Variants in PTPRN2 observed in about 807,000 individuals in gnomAD.
PTPRN2 encodes the protein receptor-type tyrosine-protein phosphatase N2.
PTPRN2 carries 74 observed loss-of-function variants against 118.8 expected under a neutral mutation model. That is an observed-to-expected ratio of 0.62 (90% CI 0.52 to 0.76). The LOEUF is 0.76. Among genes scored for constraint, PTPRN2 ranks in the 30% least tolerant of loss-of-function variants. The pLI, the probability that PTPRN2 is intolerant of heterozygous loss-of-function variation, is 0.00. For synonymous variants in PTPRN2, 641 were observed against 608.0 expected, an observed-to-expected ratio of 1.05 and a Z score of -0.80; for missense variants, 1,481 against 1,394.4, an observed-to-expected ratio of 1.06 and a Z score of -0.99.
chr7:158,008,052 G>T (rs28655116), intron 11 of PTPRN2, among the ~76,000 whole-genome samples: 1 of 137,054 alleles, frequency 7.3e-6, no homozygotes. Flanking sequence ...TGTGTGTGGA[G>T]GTGTGCTGTG....
At chr7:157,968,185 A>G (rs1300527661) in intron 11 of PTPRN2, among the ~76,000 whole-genome samples, 1 of 152,118 alleles carries the variant, frequency 6.6e-6, no homozygotes, top group African/African-American at 2.4e-5. Flanking sequence ...ATGGTTTACA[A>G]GGCAGCCTTG....
chr7:158,503,440 G>A (rs546414139), intron 1 of PTPRN2, among the ~76,000 whole-genome samples: 1 of 152,288 alleles, frequency 6.6e-6, no homozygotes, highest in East Asian at 1.9e-4. Flanking sequence ...GAAAGCAGAA[G>A]AGGTGGATGG....
rs1242219549 is a variant in PTPRN2, at chr7:157,953,947, G to A, written c.1724-55210C>T. Among the ~76,000 whole-genome samples the A allele has an allele frequency of 1.3e-5, 2 of 152,216 alleles. No homozygotes were observed. Among genetic ancestry groups the A allele is most frequent in the African/African-American group, 2.4e-5 (1 of 41,454 alleles). ...CGCTTGAAGATGCATGTGTGTTAGAGTCTCTTCCACAGAACTCTCTGGAAA... is the reference window on the plus strand; with the variant it reads ...CGCTTGAAGATGCATGTGTGTTAGAATCTCTTCCACAGAACTCTCTGGAAA... On this transcript the variant is annotated intron_variant, in intron 11 of 22. Transcript: ENST00000389418. The surrounding 1 kb of genome is among the most constrained non-coding windows in gnomAD (Gnocchi z 4.6).
chr7:158,322,778 C>T (rs1444390081), intron 2 of PTPRN2, among the ~76,000 whole-genome samples: 1 of 152,264 alleles, frequency 6.6e-6, no homozygotes, highest in Non-Finnish European at 1.5e-5. Context: ...GAGGAGGCCA[C>T]CTCCACTTGG....
intron 19 of PTPRN2, among the ~76,000 whole-genome samples, 186 bp downstream of exon 19, chr7:157,576,427 A>G (rs1185141541): frequency 6.6e-6 from 1 of 152,166 alleles, no homozygotes; most frequent in Non-Finnish European, 1.5e-5. Context: ...AAGCTAGAAA[A>G]TCGCTCACGA....
At chr7:158,445,658 G>T (rs929821520) in intron 2 of PTPRN2, among the ~76,000 whole-genome samples, 1 of 152,210 alleles carries the variant, frequency 6.6e-6, no homozygotes, top group African/African-American at 2.4e-5. Context: ...GCAGACAGCC[G>T]CCTGCTGCTC....
At chr7:157,917,501 C>A (rs1212587634) in intron 11 of PTPRN2, among the ~76,000 whole-genome samples, 3 of 152,182 alleles carry the variant, frequency 2.0e-5, no homozygotes, top group African/African-American at 7.2e-5. Flanking sequence ...GGAAAGGGAG[C>A]ATGGCTGCGC....
intron 12 of PTPRN2, among the ~76,000 whole-genome samples, chr7:157,832,709 GT>G (rs1243628394): frequency 6.6e-6 from 1 of 152,226 alleles, no homozygotes; most frequent in Non-Finnish European, 1.5e-5. Flanking sequence ...TATGCTTCGC[GT>G]GGGAATCTGG....
At chr7:158,245,307 C>T (rs1415823691) in intron 3 of PTPRN2, among the ~76,000 whole-genome samples, 1 of 152,110 alleles carries the variant, frequency 6.6e-6, no homozygotes, top group African/African-American at 2.4e-5. Context: ...CGTGGTCATG[C>T]CAGAATCCGT....
At chr7:158,076,024 G>C (rs1812330519) in intron 11 of PTPRN2, among the ~76,000 whole-genome samples, 1 of 152,242 alleles carries the variant, frequency 6.6e-6, no homozygotes, top group Non-Finnish European at 1.5e-5. Context: ...GGATCCCTGT[G>C]CCTGGAAGAC....
At position 158,003,362 on chromosome 7, in the gene PTPRN2, C is replaced by T. The variant is rs1202448787; in HGVS notation, c.1723+77936G>A. On this transcript the variant is annotated intron_variant, in intron 11 of 22. Coordinates refer to ENST00000389418, the MANE Select transcript of PTPRN2 (RefSeq NM_002847.5). This position sits in a 1 kb window ranked among gnomAD's most constrained non-coding sequence, Gnocchi z 5.0. ...CTGGGAGGCGGAGCTTGCAGTGAGCCGAGATCGCGCCACTGCACTCCAACC... is the reference window on the plus strand; with the variant it reads ...CTGGGAGGCGGAGCTTGCAGTGAGCTGAGATCGCGCCACTGCACTCCAACC... 1.4e-5 allele frequency among the ~76,000 whole-genome samples: 2 copies of T among 146,696 alleles called. No homozygotes were observed. Among genetic ancestry groups the T allele is most frequent in the Non-Finnish European group, 3.0e-5 (2 of 67,122 alleles).
chr7:158,171,000 TATATATATACACATAC>T (rs1188850846), intron 5 of PTPRN2, among the ~76,000 whole-genome samples: 41 of 148,342 alleles, frequency 2.8e-4, no homozygotes, highest in Non-Finnish European at 5.0e-4. Flanking sequence ...TACACATACA[TATATATATACACATAC>T]ATATATATAC....
intron 2 of PTPRN2, among the ~76,000 whole-genome samples, chr7:158,392,028 T>G (rs1450717269): frequency 6.6e-6 from 1 of 152,158 alleles, no homozygotes; most frequent in African/African-American, 2.4e-5. Context: ...GATGCAGTAC[T>G]GGGCTGGTGC....
At chr7:158,241,376 T>A (rs1032479414) in intron 3 of PTPRN2, among the ~76,000 whole-genome samples, 2 of 152,026 alleles carry the variant, frequency 1.3e-5, no homozygotes, top group African/African-American at 4.8e-5. Flanking sequence ...TAGCCGGGCA[T>A]GATGGCAGGT....
chr7:158,007,771 G>A (rs1049459663), intron 11 of PTPRN2, among the ~76,000 whole-genome samples: 3 of 151,760 alleles, frequency 2.0e-5, no homozygotes, highest in Admixed American at 6.6e-5. Context: ...GTGTGAGGGT[G>A]TGCTGTGTGT....
chr7:158,329,927 A>G (rs1804028037), intron 2 of PTPRN2, among the ~76,000 whole-genome samples: 1 of 152,032 alleles, frequency 6.6e-6, no homozygotes, highest in South Asian at 2.1e-4. Flanking sequence ...AGAGTGTCCT[A>G]TTCTGCAACC....
At chr7:157,620,806 G>A (rs992109233) in intron 15 of PTPRN2, among the ~76,000 whole-genome samples, 1 of 152,186 alleles carries the variant, frequency 6.6e-6, no homozygotes, top group Admixed American at 6.5e-5. Flanking sequence ...TGCAGGCGGG[G>A]GGTGCCGGGA....
At chr7:157,747,047 C>T (rs1329956383) in intron 12 of PTPRN2, among the ~76,000 whole-genome samples, 11 of 122,290 alleles carry the variant, frequency 9.0e-5, no homozygotes, top group Admixed American at 5.6e-4. Context: ...GGCCTGCGTC[C>T]CTGAGCTGTG....
intron 11 of PTPRN2, among the ~76,000 whole-genome samples, chr7:158,008,772 TTTTC>T (rs1424804072): frequency 1.3e-5 from 2 of 152,192 alleles, no homozygotes; most frequent in African/African-American, 4.8e-5. Flanking sequence ...AGTATCACCG[TTTTC>T]TTTCTATCTT....
Sources: gnomAD v4.1 joint callset for allele counts (sites outside exome capture counted in the v4.1 genomes callset) on GRCh38, gnomAD v4.1.1 for gene constraint, Gnocchi (gnomAD v3.1) non-coding constraint, MANE v1.5 for transcripts, NCBI Gene and HGNC (gene_info 2026-07-23, HGNC 2026-07-21) for gene names.